ADGRB3: variants seen among roughly 807,000 people sequenced by gnomAD.
The protein encoded by ADGRB3 is brain-specific angiogenesis inhibitor 3.
A neutral mutation model predicts 193.4 loss-of-function variants in ADGRB3; 37 were observed. The observed-to-expected ratio is 0.19, with a 90% CI of 0.15 to 0.25. The LOEUF (loss-of-function observed/expected upper bound fraction) is 0.25, where lower values mean the gene tolerates loss of function less well. Ranked by LOEUF, ADGRB3 falls within the 10% of genes least tolerant of loss-of-function variation. The probability of loss-of-function intolerance (pLI) is 1.00; values close to 1 mark genes in which losing one functional copy is unlikely to be tolerated. For synonymous variants in ADGRB3, 690 were observed against 644.2 expected (o/e 1.07, Z -1.08); for missense variants, 1,637 against 1,852.9 (o/e 0.88, Z 2.14).
intron 17 of ADGRB3, among the ~76,000 whole-genome samples, chr6:69,096,709 G>GTTT (rs1183416277): frequency 6.6e-6 from 1 of 152,116 alleles, no homozygotes; most frequent in Non-Finnish European, 1.5e-5. Flanking sequence ...CTGCTAGTCA[G>GTTT]TTTTAAGTCA....
intron 3 of ADGRB3, among the ~76,000 whole-genome samples, chr6:68,688,697 TC>T (rs1765022549): frequency 6.6e-6 from 1 of 152,042 alleles, no homozygotes. Context: ...ATTTATTAGG[TC>T]CCCTCCCAGG....
At chr6:68,726,621 T>G (rs773388677) in intron 3 of ADGRB3, among the ~76,000 whole-genome samples, 1 of 151,586 alleles carries the variant, frequency 6.6e-6, no homozygotes, top group Non-Finnish European at 1.5e-5. Flanking sequence ...GCTTGGTTAT[T>G]TCCCTATATG....
chr6:68,887,895 T>A (rs1765953843), intron 3 of ADGRB3, among the ~76,000 whole-genome samples: 2 of 152,156 alleles, frequency 1.3e-5, no homozygotes, highest in Non-Finnish European at 2.9e-5. Flanking sequence ...ATTTCCAAGT[T>A]CGTTATGAAC....
At chr6:69,304,102 A>G (rs968500656) in intron 20 of ADGRB3, among the ~76,000 whole-genome samples, 8 of 151,716 alleles carry the variant, frequency 5.3e-5, no homozygotes, top group African/African-American at 1.9e-4. Context: ...TTTTTTTAAA[A>G]AAAAGAGGTT....
At chr6:69,332,562 G>A (rs1768753125) in intron 23 of ADGRB3, 1 of 985,250 alleles carries the variant, frequency 1.0e-6, no homozygotes, top group Non-Finnish European at 1.2e-6. Context: ...CCTGGCTCAT[G>A]GGCATAGGGT....
intron 8 of ADGRB3, among the ~76,000 whole-genome samples, chr6:68,961,250 C>T (rs1205675474): frequency 1.3e-5 from 2 of 152,118 alleles, no homozygotes; most frequent in Non-Finnish European, 1.5e-5. Context: ...CTCCAATCCT[C>T]ATTTTTCCTC....
intron 20 of ADGRB3, among the ~76,000 whole-genome samples, chr6:69,290,986 T>C (rs1325194983): frequency 6.6e-6 from 1 of 152,204 alleles, no homozygotes; most frequent in African/African-American, 2.4e-5. Flanking sequence ...CTTTCGCTTT[T>C]AGTCATATCT....
intron 20 of ADGRB3, among the ~76,000 whole-genome samples, chr6:69,240,447 G>A (rs908601562): frequency 3.3e-5 from 5 of 151,814 alleles, no homozygotes; most frequent in African/African-American, 4.8e-5. Context: ...GAAAGAATCC[G>A]AAAGAAAGTA....
At chr6:68,646,475 C>CAAAAA (rs368034374) in intron 3 of ADGRB3, among the ~76,000 whole-genome samples, 1 of 107,610 alleles carries the variant, frequency 9.3e-6, no homozygotes, top group Admixed American at 8.9e-5. Flanking sequence ...GAAACTCTGT[C>CAAAAA]AAAAAAAAAA....
chr6:68,980,559 C>T (rs1768880411), intron 10 of ADGRB3, among the ~76,000 whole-genome samples: 1 of 151,602 alleles, frequency 6.6e-6, no homozygotes, highest in Non-Finnish European at 1.5e-5. Context: ...ATTACTTCAG[C>T]TTATTTGGGG....
intron 20 of ADGRB3, 47 bp downstream of exon 20, chr6:69,239,273 G>T: frequency 4.5e-6 from 6 of 1,331,672 alleles, no homozygotes; most frequent in Non-Finnish European, 6.3e-6. Context: ...TTATATTTTG[G>T]CATATTGTTA....
At chr6:69,194,135 A>G (rs1179638754) in intron 17 of ADGRB3, among the ~76,000 whole-genome samples, 1 of 152,118 alleles carries the variant, frequency 6.6e-6, no homozygotes, top group Non-Finnish European at 1.5e-5. Context: ...ATAAATTTCT[A>G]AAACAAAATA....
chr6:69,130,841 G>A (rs1427365198), intron 17 of ADGRB3, among the ~76,000 whole-genome samples: 2 of 151,970 alleles, frequency 1.3e-5, no homozygotes, highest in African/African-American at 2.4e-5. Context: ...ATATGTAAAT[G>A]ATATTTGAAA....
Position 69,065,762 on chromosome 6 carries a change from T to TAC in ADGRB3, c.2436+2727_2436+2728insCA, listed in dbSNP as rs1307673486. ...AACAAGCCTGAACTTCATGTATATA[T>TAC]ATACACACACACACACACACACACA... On this transcript the variant is annotated intron_variant, in intron 16 of 31. Transcript: ENST00000370598. 1.1e-3 allele frequency among the ~76,000 whole-genome samples: 132 copies of TAC among 124,760 alleles called. 1 individual carries two copies. The highest frequency in any genetic ancestry group is 3.5e-3 in the African/African-American group (123 of 35,260). 81.8% of individuals were successfully genotyped at this position (124,760 alleles called of 152,430 possible). A position where few individuals can be genotyped will look rare whatever the true frequency, so the allele number is the denominator to read the frequency against.
At chr6:68,883,590 A>G (rs1011618611) in intron 3 of ADGRB3, among the ~76,000 whole-genome samples, 1 of 151,944 alleles carries the variant, frequency 6.6e-6, no homozygotes, top group Non-Finnish European at 1.5e-5. Context: ...AGGAGTGAAC[A>G]ACTCTGGACT....
chr6:68,860,897 A>G (rs558880223), intron 3 of ADGRB3, among the ~76,000 whole-genome samples: 27 of 151,972 alleles, frequency 1.8e-4, no homozygotes, highest in Non-Finnish European at 3.8e-4. Context: ...AGAGCAGTGG[A>G]TATTATTGGG....
chr6:69,300,414 G>C (rs1218156555), intron 20 of ADGRB3, among the ~76,000 whole-genome samples: 1 of 151,714 alleles, frequency 6.6e-6, no homozygotes, highest in African/African-American at 2.4e-5. Context: ...AAACAAACAA[G>C]TATGCCCACT....
intron 17 of ADGRB3, among the ~76,000 whole-genome samples, chr6:69,117,817 A>C (rs1773576491): frequency 2.6e-5 from 4 of 152,222 alleles, no homozygotes; most frequent in Admixed American, 2.6e-4. Context: ...TGGTCTCCAA[A>C]GAACACACTT....
intron 3 of ADGRB3, among the ~76,000 whole-genome samples, chr6:68,848,877 G>A (rs1768341543): frequency 6.6e-6 from 1 of 151,934 alleles, no homozygotes; most frequent in Admixed American, 6.6e-5. Flanking sequence ...GGCGGCATTA[G>A]CATTCGTTGA....
Sources: allele counts gnomAD v4.1 joint callset (sites outside exome capture counted in the v4.1 genomes callset), GRCh38; gene constraint gnomAD v4.1.1; transcripts MANE v1.5; gene names NCBI Gene and HGNC (gene_info 2026-07-23, HGNC 2026-07-21).